ZNF638: variants seen among roughly 807,000 people sequenced by gnomAD.
The protein encoded by ZNF638 is CTCL tumor antigen se33-1.
In ZNF638, 46 loss-of-function variants were observed where a neutral mutation model predicts 195.6. The observed-to-expected ratio is 0.24, with a 90% confidence interval of 0.19 to 0.30. ZNF638 has a LOEUF of 0.30. Ranked by LOEUF, ZNF638 falls within the 10% of genes least tolerant of loss-of-function variation. The pLI, the probability that ZNF638 is intolerant of heterozygous loss-of-function variation, is 1.00. For synonymous variants in ZNF638, 845 were observed against 772.0 expected (o/e 1.09, Z -1.57); for missense variants, 2,440 against 2,325.3 (o/e 1.05, Z -1.01).
At chr2:71,360,635 AATG>A (rs1345269271) in intron 3 of ZNF638, among the ~76,000 whole-genome samples, 1 of 151,756 alleles carries the variant, frequency 6.6e-6, no homozygotes, top group African/African-American at 2.4e-5. Context: ...TTTTCCTTGA[AATG>A]TCTGGGAAAC....
chr2:71,432,488 A>G (rs905503031), intron 26 of ZNF638, among the ~76,000 whole-genome samples: 22 of 152,220 alleles, frequency 1.4e-4, no homozygotes, highest in African/African-American at 5.1e-4. Flanking sequence ...GGCTTGAGCC[A>G]CTTCTCCCAG....
intron 3 of ZNF638, among the ~76,000 whole-genome samples, chr2:71,361,140 T>C (rs1235687451): frequency 1.3e-5 from 2 of 152,184 alleles, no homozygotes; most frequent in East Asian, 3.9e-4. Context: ...TTTTTGTATT[T>C]TTGGTAGAGA....
chr2:71,431,479 G>A, intron 26 of ZNF638, 51 bp downstream of exon 26: 1 of 1,544,226 alleles, frequency 6.5e-7, no homozygotes, highest in Non-Finnish European at 8.9e-7. Context: ...TTAAAAGTCG[G>A]CCGGGCGCGG....
intron 1 of ZNF638, 28 bp downstream of exon 1, chr2:71,331,903 G>A: frequency 1.0e-6 from 1 of 986,482 alleles, no homozygotes; most frequent in Non-Finnish European, 1.2e-6. Context: ...TGGGGAGTAG[G>A]GGGTTGGAAG....
intron 8 of ZNF638, among the ~76,000 whole-genome samples, chr2:71,371,297 A>G (rs2079308186): frequency 2.0e-5 from 3 of 152,182 alleles, no homozygotes; most frequent in South Asian, 4.1e-4. Flanking sequence ...CAGTGCTGCA[A>G]GAAACATGGG....
At position 71,388,818 on chromosome 2, in the gene ZNF638, C is replaced by G. The variant is rs186909375; in HGVS notation, c.2378-7323C>G. ...ACAACAGCTGTCCGCACAACAGAAA[C>G]AGTATATAAAAGTATTGAAACAACT... On this transcript the variant is annotated intron_variant, in intron 10 of 27. Transcript: ENST00000264447. The G allele has an allele frequency of 8.0e-6, 6 of 750,238 alleles. No individual in the cohort carries two copies. The East Asian group carries it at 1.6e-4, about 20-fold the overall frequency. 46.5% of individuals were successfully genotyped at this position (750,238 alleles called of 1,614,324 possible).
At chr2:71,337,542 G>A (rs942722870) in intron 1 of ZNF638, among the ~76,000 whole-genome samples, 2 of 150,150 alleles carry the variant, frequency 1.3e-5, no homozygotes, top group Non-Finnish European at 3.0e-5. Flanking sequence ...TGGGAGTACT[G>A]GCTCAGGCGC....
intron 2 of ZNF638, among the ~76,000 whole-genome samples, chr2:71,350,955 A>G (rs2078929884): frequency 6.6e-6 from 1 of 152,198 alleles, no homozygotes; most frequent in Admixed American, 6.5e-5. Context: ...AGAAGGAAGT[A>G]TTTTGCAGAG....
rs752917738 is a variant in ZNF638, at chr2:71,423,254, C to T, written c.3740C>T (p.Ala1247Val). The T allele has an allele frequency of 1.5e-5, 24 of 1,614,006 alleles. No individual in the cohort carries two copies. The highest frequency in any genetic ancestry group is 2.0e-5 in the Non-Finnish European group (24 of 1,179,980). ...KGILEESPSEAEDFISGITQT... is the reference protein window; with the variant it reads ...KGILEESPSEVEDFISGITQT... The stretch of plus-strand genomic sequence containing the variant: ...ATTCTAGAAGAATCTCCATCTGAAG[C>T]AGAAGATTTCATTTCTGGAATTACA... Residue 1247 changes from alanine (A) to valine (V), a missense_variant, in exon 22 of 28, where the codon GCA becomes GTA. Transcript: ENST00000264447.
At chr2:71,363,379 CTT>C (rs906162584) in intron 4 of ZNF638, among the ~76,000 whole-genome samples, 188 bp downstream of exon 4, 57 of 152,268 alleles carry the variant, frequency 3.7e-4, no homozygotes, top group African/African-American at 1.3e-3. Flanking sequence ...GATCTACTTT[CTT>C]TAGCCTGTTC....
intron 15 of ZNF638, among the ~76,000 whole-genome samples, chr2:71,401,737 G>T (rs541188676): frequency 6.6e-6 from 1 of 151,746 alleles, no homozygotes; most frequent in Non-Finnish European, 1.5e-5. Flanking sequence ...GATGACAGAT[G>T]GTATAACTAC....
At chr2:71,383,327 T>C (rs2079567639) in intron 10 of ZNF638, among the ~76,000 whole-genome samples, 1 of 151,980 alleles carries the variant, frequency 6.6e-6, no homozygotes, top group African/African-American at 2.4e-5. Flanking sequence ...AAAAAATATA[T>C]TGTTCTCATT....
intron 10 of ZNF638, among the ~76,000 whole-genome samples, chr2:71,386,637 A>G (rs1404244928): frequency 1.3e-5 from 2 of 152,188 alleles, no homozygotes; most frequent in African/African-American, 2.4e-5. Flanking sequence ...GTGCTATTTA[A>G]TTATAATTAC....
intron 20 of ZNF638, among the ~76,000 whole-genome samples, chr2:71,409,233 T>G (rs1193298834): frequency 6.6e-6 from 1 of 152,184 alleles, no homozygotes; most frequent in Non-Finnish European, 1.5e-5. Flanking sequence ...TAGTTTAAGT[T>G]GGATAACACA....
chr2:71,356,756 T>A (rs543605856), intron 3 of ZNF638, among the ~76,000 whole-genome samples: 1 of 152,112 alleles, frequency 6.6e-6, no homozygotes, highest in South Asian at 2.1e-4. Flanking sequence ...GCCACTGCAC[T>A]CTAGCCTGGG....
chr2:71,417,020 C>T (rs56656506), intron 20 of ZNF638, among the ~76,000 whole-genome samples: 16,734 of 139,864 alleles, frequency 0.12, 1,034 homozygotes, highest in Middle Eastern at 0.14. Context: ...TCGAGCTTCC[C>T]GGCTGCTTTG....
intron 20 of ZNF638, 65 bp downstream of exon 20, chr2:71,408,312 C>T: frequency 4.6e-6 from 7 of 1,534,500 alleles, no homozygotes; most frequent in Non-Finnish European, 6.1e-6. Context: ...AGGTCATTCT[C>T]AGGTAGTAGT....
intron 10 of ZNF638, among the ~76,000 whole-genome samples, chr2:71,387,732 T>C (rs1250813438): frequency 6.6e-6 from 1 of 152,232 alleles, no homozygotes; most frequent in South Asian, 2.1e-4. Flanking sequence ...ATACATAAGA[T>C]GATAACAGTA....
At chr2:71,350,960 G>T (rs1175586678) in intron 2 of ZNF638, among the ~76,000 whole-genome samples, 1 of 152,184 alleles carries the variant, frequency 6.6e-6, no homozygotes, top group Non-Finnish European at 1.5e-5. Flanking sequence ...GAAGTATTTT[G>T]CAGAGGCAGT....
Sources: gnomAD v4.1 joint callset for allele counts (sites outside exome capture counted in the v4.1 genomes callset) on GRCh38, gnomAD v4.1.1 for gene constraint, MANE v1.5 for transcripts, NCBI Gene and HGNC (gene_info 2026-07-23, HGNC 2026-07-21) for gene names.